SCAPER: variants seen among roughly 807,000 people sequenced by gnomAD.
SCAPER encodes S phase cyclin A-associated protein in the endoplasmic reticulum.
SCAPER carries 98 observed loss-of-function variants against 182.2 expected under a neutral mutation model. That is an observed-to-expected ratio of 0.54 (90% confidence interval 0.46 to 0.64). The LOEUF is 0.64. Ranked by LOEUF, SCAPER falls within the 30% of genes least tolerant of loss-of-function variation. SCAPER has a pLI of 0.00. For synonymous variants in SCAPER, 605 were observed against 564.6 expected (o/e 1.07, Z -1.01); for missense variants, 1,432 against 1,690.0 (o/e 0.85, Z 2.68).
intron 8 of SCAPER, among the ~76,000 whole-genome samples, chr15:76,782,615 G>A (rs1196462109): frequency 7.2e-5 from 11 of 152,000 alleles, no homozygotes; most frequent in Non-Finnish European, 1.5e-4. Context: ...TTCTAAAACT[G>A]ACCACATAAT....
intron 25 of SCAPER, among the ~76,000 whole-genome samples, chr15:76,460,859 C>A (rs922921539): frequency 6.6e-6 from 1 of 152,188 alleles, no homozygotes; most frequent in South Asian, 2.1e-4. Context: ...CTTCTCTTAG[C>A]TTTCCTTAAT....
At chr15:76,422,203 C>T (rs2046097175) in intron 26 of SCAPER, among the ~76,000 whole-genome samples, 2 of 152,124 alleles carry the variant, frequency 1.3e-5, no homozygotes, top group South Asian at 4.1e-4. Flanking sequence ...TATAAATTAC[C>T]TTGGGCAGTA....
At chr15:76,743,546 C>T (rs1051845413) in intron 15 of SCAPER, among the ~76,000 whole-genome samples, 1 of 151,964 alleles carries the variant, frequency 6.6e-6, no homozygotes, top group Admixed American at 6.6e-5. Context: ...CAATACCATA[C>T]AAAATAGCCA....
At chr15:76,641,325 A>T (rs1198839916) in intron 21 of SCAPER, among the ~76,000 whole-genome samples, 3 of 152,170 alleles carry the variant, frequency 2.0e-5, no homozygotes, top group Non-Finnish European at 4.4e-5. Flanking sequence ...TATGTTAAAG[A>T]ATTACTTCAT....
rs2058962535 is a variant in SCAPER, at chr15:76,701,738, T to C, written c.2508+20A>G. On this transcript the variant is annotated intron_variant, in intron 20 of 31. Transcript: ENST00000563290. ...TGGGTACTCAATAAACAATTGTAAATGAACAAAAATAAAGTTTACCACTTC... is the reference window on the plus strand; with the variant it reads ...TGGGTACTCAATAAACAATTGTAAACGAACAAAAATAAAGTTTACCACTTC... The C allele has an allele frequency of 6.3e-7, 1 of 1,587,558 alleles. No individual in the cohort carries two copies. The highest frequency in any genetic ancestry group is 1.3e-5 in the African/African-American group (1 of 74,330).
intron 21 of SCAPER, among the ~76,000 whole-genome samples, chr15:76,622,504 G>C (rs982156835): frequency 1.3e-5 from 2 of 151,970 alleles, no homozygotes; most frequent in African/African-American, 4.8e-5. Flanking sequence ...GACAGATGAT[G>C]CATTGGAATA....
intron 21 of SCAPER, among the ~76,000 whole-genome samples, chr15:76,635,165 G>A (rs754789554): frequency 6.6e-6 from 1 of 152,146 alleles, no homozygotes; most frequent in Non-Finnish European, 1.5e-5. Context: ...CAGGGTCTCT[G>A]GAGCCTATCA....
intron 30 of SCAPER, among the ~76,000 whole-genome samples, chr15:76,353,435 T>C (rs2040734154): frequency 6.6e-6 from 1 of 152,238 alleles, no homozygotes; most frequent in South Asian, 2.1e-4. Context: ...GCACTAATTC[T>C]GATTCTAGCC....
chr15:76,675,830 GT>G (rs1001781244), intron 20 of SCAPER, among the ~76,000 whole-genome samples: 246 of 144,760 alleles, frequency 1.7e-3, no homozygotes, highest in African/African-American at 5.1e-3. Flanking sequence ...CATGAAACTG[GT>G]TTTTTTTTTT....
At chr15:76,740,781 G>A (rs181846770) in intron 15 of SCAPER, among the ~76,000 whole-genome samples, 36 of 152,072 alleles carry the variant, frequency 2.4e-4, no homozygotes, top group East Asian at 5.8e-4. Flanking sequence ...GCAATGAGTC[G>A]ATTTACATAT....
intron 27 of SCAPER, among the ~76,000 whole-genome samples, chr15:76,394,167 T>G (rs2043892613): frequency 1.3e-5 from 2 of 152,228 alleles, no homozygotes; most frequent in Non-Finnish European, 2.9e-5. Flanking sequence ...TAGGTTCATA[T>G]TAGTCTGCAT....
intron 5 of SCAPER, among the ~76,000 whole-genome samples, chr15:76,840,209 G>T (rs1352190625): frequency 6.6e-6 from 1 of 152,056 alleles, no homozygotes; most frequent in East Asian, 1.9e-4. Flanking sequence ...CTTGAGCCCA[G>T]GAGTTCAAGA....
chr15:76,401,273 T>C (rs191951970), intron 27 of SCAPER, among the ~76,000 whole-genome samples: 33 of 152,306 alleles, frequency 2.2e-4, no homozygotes, highest in African/African-American at 6.7e-4. Context: ...CAAAATTTTA[T>C]AGTCAGAAAC....
At chr15:76,633,733 G>A (rs2053357456) in intron 21 of SCAPER, among the ~76,000 whole-genome samples, 1 of 152,212 alleles carries the variant, frequency 6.6e-6, no homozygotes, top group South Asian at 2.1e-4. Context: ...GCTGCACTGT[G>A]GGGAATTGCT....
At chr15:76,643,685 AAAAC>A (rs1311953496) in intron 21 of SCAPER, among the ~76,000 whole-genome samples, 6 of 152,190 alleles carry the variant, frequency 3.9e-5, no homozygotes, top group African/African-American at 7.2e-5. Context: ...CTGTCTTTAA[AAAAC>A]AAACAAACAA....
intron 2 of SCAPER, among the ~76,000 whole-genome samples, chr15:76,873,618 C>G (rs1375906947): frequency 6.6e-6 from 1 of 152,104 alleles, no homozygotes; most frequent in Admixed American, 6.5e-5. Context: ...ACACAACACA[C>G]TCTTTTAGAA....
intron 21 of SCAPER, among the ~76,000 whole-genome samples, chr15:76,637,734 ATATATATATGTGTGTGTGTGTGTG>A (rs1220493647): frequency 0.023 from 719 of 31,548 alleles, 19 homozygotes; most frequent in African/African-American, 0.056. Context: ...ATATATATAT[ATATATATATGTGTGTGTGTGTGTG>A]TGTGTGTGTG....
intron 29 of SCAPER, among the ~76,000 whole-genome samples, chr15:76,356,297 G>A (rs1282495650): frequency 6.6e-6 from 1 of 152,126 alleles, no homozygotes; most frequent in East Asian, 1.9e-4. Flanking sequence ...TTGGGGCAGG[G>A]GGCAGGGCTG....
chr15:76,883,370 GT>G (rs2073677435), intron 2 of SCAPER, among the ~76,000 whole-genome samples: 1 of 152,152 alleles, frequency 6.6e-6, no homozygotes, highest in Admixed American at 6.6e-5. Context: ...ACAGAAACCT[GT>G]TTTCCCTGGC....
Sources: gnomAD v4.1 joint callset for allele counts (sites outside exome capture counted in the v4.1 genomes callset) on GRCh38, gnomAD v4.1.1 for gene constraint, MANE v1.5 for transcripts, NCBI Gene and HGNC (gene_info 2026-07-23, HGNC 2026-07-21) for gene names.